Variants in RPH3AL observed in about 807,000 individuals in gnomAD.
RPH3AL encodes rab effector Noc2.
A neutral mutation model predicts 43.1 loss-of-function variants in RPH3AL; 38 were observed. The observed-to-expected ratio is 0.88, with a 90% CI of 0.68 to 1.15. The LOEUF is 1.15. RPH3AL is among the 50% of genes most tolerant of loss of function. The probability of loss-of-function intolerance (pLI) is 0.00; values close to 1 mark genes in which losing one functional copy is unlikely to be tolerated. For synonymous variants in RPH3AL, 189 were observed against 176.3 expected, an observed-to-expected ratio of 1.07 and a Z score of -0.57; for missense variants, 462 against 423.2, an observed-to-expected ratio of 1.09 and a Z score of -0.81.
At chr17:317,023 G>GA (rs2044265352) in intron 5 of RPH3AL, among the ~76,000 whole-genome samples, 1 of 131,402 alleles carries the variant, frequency 7.6e-6, no homozygotes, top group African/African-American at 3.0e-5. Context: ...TAGTCTCTGT[G>GA]CTCCACCTCC....
chr17:308,497 C>T (rs2043558217), intron 5 of RPH3AL, among the ~76,000 whole-genome samples: 1 of 152,226 alleles, frequency 6.6e-6, no homozygotes, highest in African/African-American at 2.4e-5. Flanking sequence ...GGTTTGCACG[C>T]TCGTGCCCAC....
At chr17:320,625 T>C (rs1400559752) in intron 4 of RPH3AL, among the ~76,000 whole-genome samples, 1 of 151,560 alleles carries the variant, frequency 6.6e-6, no homozygotes, top group Non-Finnish European at 1.5e-5. Context: ...CACTGCAGAG[T>C]GAGACCCTGT....
rs1342690062 is a variant in RPH3AL at position 309,454 on chromosome 17, C to T, written c.351+9966G>A. Among the ~76,000 whole-genome samples, 14 of 151,008 alleles carry T rather than the reference C, an allele frequency of 9.3e-5. 1 individual carries two copies. The highest frequency in any genetic ancestry group is 2.1e-4 in the Non-Finnish European group (14 of 67,744). On this transcript the variant is annotated intron_variant, in intron 5 of 9. Coordinates refer to ENST00000331302, the MANE Select transcript of RPH3AL (RefSeq NM_006987.4). ...CTGGGGGTCCGGGATACGGCACATC[C>T]CTTGTCCAGGGCTCCTGCCAGCCCC... is the stretch of plus-strand genomic sequence containing the variant.
At chr17:310,737 C>T (rs964390225) in intron 5 of RPH3AL, among the ~76,000 whole-genome samples, 17 of 152,214 alleles carry the variant, frequency 1.1e-4, no homozygotes, top group East Asian at 1.9e-4. Context: ...CACTGGGATC[C>T]GCATGGCTCC....
intron 5 of RPH3AL, among the ~76,000 whole-genome samples, chr17:312,130 T>A (rs1049164342): frequency 1.3e-5 from 2 of 151,966 alleles, no homozygotes; most frequent in South Asian, 2.1e-4. Flanking sequence ...AGCGATACCC[T>A]GTCTCTACAA....
chr17:324,702 G>GCTAGCTAGCTATCTATCTATCTATCTAT (rs1301592247), intron 3 of RPH3AL, among the ~76,000 whole-genome samples: 135 of 119,918 alleles, frequency 1.1e-3, no homozygotes, highest in African/African-American at 3.3e-3. Flanking sequence ...TAGCTAGCTA[G>GCTAGCTAGCTATCTATCTATCTATCTAT]CTATGTACCT....
chr17:332,539 G>C (rs2044808045), intron 2 of RPH3AL: 1 of 172,492 alleles, frequency 5.8e-6, no homozygotes, highest in Non-Finnish European at 1.3e-5. Flanking sequence ...TAGGTGCTCA[G>C]GGAATATCCA....
chr17:248,122 C>T (rs2041809592), intron 6 of RPH3AL, among the ~76,000 whole-genome samples: 1 of 152,200 alleles, frequency 6.6e-6, no homozygotes, highest in African/African-American at 2.4e-5. Flanking sequence ...TACCTGCAGA[C>T]ACCTCCTCCT....
At chr17:316,483 C>A (rs1293124454) in intron 5 of RPH3AL, among the ~76,000 whole-genome samples, 3 of 151,148 alleles carry the variant, frequency 2.0e-5, no homozygotes, top group Non-Finnish European at 4.4e-5. Flanking sequence ...CTGTGCCCCA[C>A]CTCCACTGAC....
intron 7 of RPH3AL, among the ~76,000 whole-genome samples, chr17:237,609 G>A (rs2041429000): frequency 6.6e-6 from 1 of 152,236 alleles, no homozygotes; most frequent in South Asian, 2.1e-4. Context: ...AGGAGGAAAT[G>A]GGTATTTACA....
intron 4 of RPH3AL, among the ~76,000 whole-genome samples, chr17:320,453 T>C (rs1318025962): frequency 6.6e-6 from 1 of 151,532 alleles, no homozygotes; most frequent in Non-Finnish European, 1.5e-5. Flanking sequence ...CTGGGTAACA[T>C]AGTGAGACCC....
At chr17:230,376 G>A (rs1029653617) in intron 7 of RPH3AL, among the ~76,000 whole-genome samples, 4 of 152,202 alleles carry the variant, frequency 2.6e-5, no homozygotes, top group Non-Finnish European at 4.4e-5. Flanking sequence ...AGAAGAGATC[G>A]GCTCCCTCCA....
chr17:252,268 C>T (rs1196508628), intron 6 of RPH3AL, among the ~76,000 whole-genome samples: 1 of 152,126 alleles, frequency 6.6e-6, no homozygotes, highest in African/African-American at 2.4e-5. Context: ...AGCCACCACG[C>T]CTAGCCTCTC....
At chr17:222,577 A>C (rs571322634) in intron 7 of RPH3AL, among the ~76,000 whole-genome samples, 1 of 152,366 alleles carries the variant, frequency 6.6e-6, no homozygotes, top group African/African-American at 2.4e-5. Context: ...TGAGAGTCAT[A>C]ATACAGGATA....
At chr17:235,120 G>A (rs573521590) in intron 7 of RPH3AL, among the ~76,000 whole-genome samples, 4 of 152,058 alleles carry the variant, frequency 2.6e-5, no homozygotes, top group East Asian at 1.9e-4. Flanking sequence ...AGCTGGGGTC[G>A]GCCGAGGCTC....
intron 5 of RPH3AL, among the ~76,000 whole-genome samples, chr17:285,057 AT>A (rs2042873785): frequency 6.6e-6 from 1 of 152,128 alleles, no homozygotes; most frequent in African/African-American, 2.4e-5. Context: ...CAACGTAGGT[AT>A]TTTGGGGTGA....
At chr17:337,354 G>A (rs1481964521) in intron 1 of RPH3AL, among the ~76,000 whole-genome samples, 2 of 152,186 alleles carry the variant, frequency 1.3e-5, no homozygotes, top group African/African-American at 4.8e-5. Flanking sequence ...TCCTGCCTCA[G>A]CCTCCCAAGT....
At chr17:314,622 C>A (rs878912070) in intron 5 of RPH3AL, among the ~76,000 whole-genome samples, 1 of 118,622 alleles carries the variant, frequency 8.4e-6, no homozygotes, top group African/African-American at 2.9e-5. Context: ...TCCCTGTGCC[C>A]CACCTCCATT....
intron 5 of RPH3AL, among the ~76,000 whole-genome samples, chr17:310,595 C>T (rs1335341797): frequency 1.3e-5 from 2 of 152,150 alleles, no homozygotes; most frequent in Admixed American, 6.5e-5. Flanking sequence ...GCCCAGAAAC[C>T]GGCAGTCCCA....
Sources: allele counts gnomAD v4.1 joint callset (sites outside exome capture counted in the v4.1 genomes callset), GRCh38; gene constraint gnomAD v4.1.1; transcripts MANE v1.5; gene names NCBI Gene and HGNC (gene_info 2026-07-23, HGNC 2026-07-21).